The following KLF12 variants were observed in gnomAD, a reference collection of about 807,000 sequenced individuals.
KLF12 encodes Krueppel-like factor 12.
KLF12 carries 9 observed loss-of-function variants against 37.8 expected under a neutral mutation model. The ratio of observed to expected loss-of-function variants is 0.24; its 90% CI spans 0.14 to 0.42. KLF12 has a LOEUF of 0.42. Among genes scored for constraint, KLF12 ranks in the 10% least tolerant of loss-of-function variants. The probability of loss-of-function intolerance (pLI) is 1.00; values close to 1 mark genes in which losing one functional copy is unlikely to be tolerated. For synonymous variants in KLF12, 208 were observed against 202.1 expected, an observed-to-expected ratio of 1.03 and a Z score of -0.25; for missense variants, 411 against 516.0, an observed-to-expected ratio of 0.80 and a Z score of 1.97.
intron 4 of KLF12, among the ~76,000 whole-genome samples, chr13:73,816,568 C>G (rs1594125029): frequency 6.6e-6 from 1 of 152,144 alleles, no homozygotes; most frequent in African/African-American, 2.4e-5. Context: ...AACTGATATA[C>G]TCTGATTTTC....
At chr13:74,266,493 C>T in the KLF12 span, among the ~76,000 whole-genome samples, 1 of 152,134 alleles carries the variant, frequency 6.6e-6, no homozygotes, top group Non-Finnish European at 1.5e-5. Context: ...CACATATGCA[C>T]AGGAATGGTT....
At chr13:74,059,082 C>T (rs1354502700) in intron 1 of KLF12, among the ~76,000 whole-genome samples, 1 of 152,176 alleles carries the variant, frequency 6.6e-6, no homozygotes, top group Non-Finnish European at 1.5e-5. Flanking sequence ...GGATAGTGGC[C>T]TTCAGGTTTC....
chr13:73,774,762 A>G (rs1033448617), intron 5 of KLF12, among the ~76,000 whole-genome samples: 1 of 152,170 alleles, frequency 6.6e-6, no homozygotes, highest in Admixed American at 6.5e-5. Context: ...TATAAGCAAT[A>G]CAGATCTATT....
At chr13:74,098,995 T>C (rs1369940828) in intron 1 of KLF12, among the ~76,000 whole-genome samples, 1 of 152,192 alleles carries the variant, frequency 6.6e-6, no homozygotes, top group Admixed American at 6.5e-5. Flanking sequence ...AGCTATTTTA[T>C]GACTCATTTT....
chr13:74,012,770 T>C (rs1195926573), intron 1 of KLF12, among the ~76,000 whole-genome samples: 1 of 152,232 alleles, frequency 6.6e-6, no homozygotes, highest in African/African-American at 2.4e-5. Flanking sequence ...TTAAGCTATT[T>C]TGCAGTACTT....
chr13:74,181,092 A>G, the KLF12 span, among the ~76,000 whole-genome samples: 3 of 151,952 alleles, frequency 2.0e-5, no homozygotes, highest in African/African-American at 4.8e-5. Context: ...TCCCTCTCCC[A>G]GGTTCAAGCA....
At chr13:74,140,878 C>T in the KLF12 span, among the ~76,000 whole-genome samples, 1 of 151,982 alleles carries the variant, frequency 6.6e-6, no homozygotes, top group Non-Finnish European at 1.5e-5. Flanking sequence ...ATGGTGAAAC[C>T]CCATCTCTAC....
chr13:73,916,798 A>G lies in KLF12; in HGVS notation c.123+27183T>C, dbSNP rs185714088. On this transcript the variant is annotated intron_variant, in intron 3 of 7. Coordinates refer to ENST00000377669, the MANE Select transcript of KLF12 (RefSeq NM_007249.5). ...ACATAAATTAATATATTAATATTTA[A>G]CAAAGAAATGGGAGATGAGGAATTG... Among the ~76,000 whole-genome samples, 3 of 152,338 alleles carry G rather than the reference A, an allele frequency of 2.0e-5. No homozygotes were observed. The East Asian group carries it at 5.8e-4, about 29-fold the overall frequency.
intron 5 of KLF12, among the ~76,000 whole-genome samples, chr13:73,781,287 C>T (rs1257801401): frequency 6.6e-6 from 1 of 152,160 alleles, no homozygotes; most frequent in African/African-American, 2.4e-5. Context: ...ACTGGGAAAC[C>T]AAAAATTTGT....
chr13:74,066,085 G>A (rs552675587), intron 1 of KLF12, among the ~76,000 whole-genome samples: 1 of 152,136 alleles, frequency 6.6e-6, no homozygotes, highest in African/African-American at 2.4e-5. Context: ...GGATTGTTGT[G>A]GATTATATGC....
chr13:73,926,936 T>TG (rs1439502929), intron 3 of KLF12, among the ~76,000 whole-genome samples: 2 of 72,290 alleles, frequency 2.8e-5, no homozygotes, highest in East Asian at 4.9e-4. Flanking sequence ...GTGTCTCCTT[T>TG]GAAAAAAAAA....
At position 73,943,997 on chromosome 13, in the gene KLF12, A is replaced by G. The variant is rs758462923; in HGVS notation, c.107T>C (p.Leu36Ser). ...TGTGCTTACCCCTTGTTCAGATTCC[A>G]AAAGCTCTGTTTTGACTCTGACTGC... The change falls in exon 3 of 8, where the codon TTG (leucine) becomes TCG (serine). Residue 36 changes from leucine to serine, a missense_variant. Leu to Ser is a moderately radical substitution (Grantham distance 145, BLOSUM62 -2). Transcript: ENST00000377669. 8.1e-6 allele frequency: 13 copies of G among 1,611,306 alleles called. No homozygotes were observed. In the Admixed American group the frequency reaches 2.2e-4, roughly 27 times the overall value.
intron 3 of KLF12, among the ~76,000 whole-genome samples, chr13:73,873,981 G>C (rs377542692): frequency 4.3e-4 from 66 of 152,126 alleles, no homozygotes; most frequent in African/African-American, 1.5e-3. Context: ...ATGAATACAA[G>C]TGAACTTGCT....
chr13:74,185,689 C>T, the KLF12 span, among the ~76,000 whole-genome samples: 2 of 152,168 alleles, frequency 1.3e-5, no homozygotes, highest in African/African-American at 4.8e-5. Context: ...CTTCTTCACC[C>T]AGGCTGGAGT....
At chr13:74,102,132 C>T (rs1227871714) in intron 1 of KLF12, among the ~76,000 whole-genome samples, 14 of 151,256 alleles carry the variant, frequency 9.3e-5, no homozygotes, top group Non-Finnish European at 2.1e-4. Context: ...GCAGGAGAAT[C>T]GCTTGAACCC....
rs192333428 is a variant in KLF12, at chr13:73,933,775, G to T, written c.123+10206C>A. Among the ~76,000 whole-genome samples, 43 of 152,110 alleles carry T rather than the reference G, an allele frequency of 2.8e-4. No individual in the cohort carries two copies. In the East Asian group the frequency reaches 7.2e-3, roughly 25 times the overall value. ...TTAGCCAGTTTAGTAATCCATATTT[G>T]CTCTCCTATACAGTTATAAATCCTA... On this transcript the variant is annotated intron_variant, in intron 3 of 7. Transcript: ENST00000377669.
intron 3 of KLF12, among the ~76,000 whole-genome samples, chr13:73,850,643 G>T (rs968715977): frequency 6.6e-6 from 1 of 152,188 alleles, no homozygotes; most frequent in South Asian, 2.1e-4. Flanking sequence ...TCTACTAAAT[G>T]TCGTTCAAGA....
the KLF12 span, among the ~76,000 whole-genome samples, chr13:74,301,641 A>C: frequency 6.6e-6 from 1 of 152,178 alleles, no homozygotes; most frequent in Non-Finnish European, 1.5e-5. Context: ...AAACGAGAAA[A>C]TGTTCCATTG....
At chr13:73,708,180 A>G (rs1875092184) in intron 7 of KLF12, among the ~76,000 whole-genome samples, 1 of 152,318 alleles carries the variant, frequency 6.6e-6, no homozygotes, top group South Asian at 2.1e-4. Flanking sequence ...CAAAATTCAG[A>G]TATGAATAAT....
Sources: gnomAD v4.1 joint callset for allele counts (sites outside exome capture counted in the v4.1 genomes callset) on GRCh38, gnomAD v4.1.1 for gene constraint, MANE v1.5 for transcripts, NCBI Gene and HGNC (gene_info 2026-07-23, HGNC 2026-07-21) for gene names.